IPPK: variants seen among roughly 807,000 people sequenced by gnomAD.
IPPK encodes inositol-pentakisphosphate 2-kinase.
Under a neutral mutation model 64.6 loss-of-function variants are expected in IPPK, and 22 were observed. That is an observed-to-expected ratio of 0.34 (90% CI 0.24 to 0.49). The LOEUF is 0.49. Ranked by LOEUF, IPPK falls within the 20% of genes least tolerant of loss-of-function variation. The pLI is 0.99. For synonymous variants in IPPK, 262 were observed against 247.2 expected (o/e 1.06, Z -0.56); for missense variants, 532 against 630.7 (o/e 0.84, Z 1.68).
chr9:92,646,710 C>A (rs1488281097), intron 6 of IPPK, among the ~76,000 whole-genome samples: 1 of 152,120 alleles, frequency 6.6e-6, no homozygotes, highest in Non-Finnish European at 1.5e-5. Flanking sequence ...GTAATCCCAG[C>A]ACTTTGGGAG....
intron 1 of IPPK, among the ~76,000 whole-genome samples, chr9:92,669,183 G>T (rs1031268029): frequency 6.7e-6 from 1 of 149,642 alleles, no homozygotes; most frequent in Non-Finnish European, 1.5e-5. Flanking sequence ...CCCCTCCCCC[G>T]TTCCAGCCGG....
chr9:92,669,795 A>G, intron 1 of IPPK, 113 bp downstream of exon 1: 1 of 695,182 alleles, frequency 1.4e-6, no homozygotes, highest in Non-Finnish European at 2.4e-6. Flanking sequence ...GGGGAGGAGG[A>G]AGGTACTGGG....
chr9:92,641,654 G>A (rs1852048935), intron 7 of IPPK, among the ~76,000 whole-genome samples: 1 of 152,184 alleles, frequency 6.6e-6, no homozygotes, highest in South Asian at 2.1e-4. Context: ...CAATGTTTGT[G>A]AACTTTTTAA....
At chr9:92,651,418 G>A (rs556891190) in intron 4 of IPPK, among the ~76,000 whole-genome samples, 48 of 152,318 alleles carry the variant, frequency 3.2e-4, no homozygotes, top group Non-Finnish European at 5.1e-4. Flanking sequence ...AGGGAGAGGC[G>A]AAGGGATGGG....
At chr9:92,659,235 A>G (rs1233703712) in intron 1 of IPPK, among the ~76,000 whole-genome samples, 1 of 152,242 alleles carries the variant, frequency 6.6e-6, no homozygotes, top group Non-Finnish European at 1.5e-5. Flanking sequence ...CCCCTTGGGC[A>G]TGCATGAATA....
intron 4 of IPPK, 149 bp downstream of exon 4, chr9:92,652,424 G>A: frequency 2.4e-6 from 1 of 409,776 alleles, no homozygotes. Context: ...ACTCCTGCCT[G>A]GGCGACAGAG....
chr9:92,670,026 C>A lies in IPPK; in HGVS notation c.-38G>T. 1 of 1,508,154 alleles carries A rather than the reference C, an allele frequency of 6.6e-7. No individual in the cohort carries two copies. Among genetic ancestry groups the A allele is most frequent in the East Asian group, 2.6e-5 (1 of 38,490 alleles). The allele number at this position is 1,508,154 out of a possible 1,614,324, so 93.4% of individuals were successfully genotyped here. A position where few individuals can be genotyped will look rare whatever the true frequency, so the allele number is the denominator to read the frequency against. On this transcript the variant is annotated 5_prime_UTR_variant, in exon 1 of 13. Transcript: ENST00000287996. ...CCCTGGCGCCTCGCGGGCTAGGACTCGGGGACGCGAGCTGGGGGCCGCCCG... is the reference window on the plus strand; with the variant it reads ...CCCTGGCGCCTCGCGGGCTAGGACTAGGGGACGCGAGCTGGGGGCCGCCCG...
At chr9:92,658,729 G>A (rs1852423560) in intron 1 of IPPK, 48 bp from the exon 2 acceptor site, 2 of 1,555,888 alleles carry the variant, frequency 1.3e-6, no homozygotes, top group Non-Finnish European at 8.9e-7. Context: ...CAAAGCCAAG[G>A]CACAAGGTGT....
intron 6 of IPPK, among the ~76,000 whole-genome samples, chr9:92,644,038 G>A (rs1242686085): frequency 1.3e-5 from 2 of 152,030 alleles, no homozygotes; most frequent in East Asian, 3.9e-4. Context: ...CATCCCAAGG[G>A]GCATGGCTCA....
chr9:92,652,375 G>C (rs1852283909), intron 4 of IPPK, among the ~76,000 whole-genome samples, 198 bp downstream of exon 4: 1 of 151,392 alleles, frequency 6.6e-6, no homozygotes, highest in African/African-American at 2.4e-5. Flanking sequence ...TGTGAACCCG[G>C]GAGGTGGAGC....
At position 92,649,646 on chromosome 9, in the gene IPPK, GC is replaced by G. The variant is rs1032430580; in HGVS notation, c.293-73del. The G allele has an allele frequency of 1.8e-5, 28 of 1,569,274 alleles. No homozygotes were observed. In the African/African-American group the frequency reaches 2.7e-4, roughly 15 times the overall value. On this transcript the variant is annotated intron_variant, in intron 4 of 12. Transcript: ENST00000287996. ...ATGAGATGATCCCTGCCCAAAACAG[GC>G]CCCGCCTTGTCCCTGGTTCCAGGGG...
chr9:92,637,928 C>T, intron 9 of IPPK, 73 bp downstream of exon 9: 1 of 1,413,600 alleles, frequency 7.1e-7, no homozygotes. Context: ...GACCGCCTGG[C>T]CACCCATGGG....
At chr9:92,669,883 C>T (rs374065863) in intron 1 of IPPK, 25 bp downstream of exon 1, 2 of 1,587,320 alleles carry the variant, frequency 1.3e-6, no homozygotes, top group African/African-American at 1.3e-5. Context: ...AGGTACCGGA[C>T]CTGCGCCGCA....
intron 11 of IPPK, among the ~76,000 whole-genome samples, chr9:92,631,766 T>A (rs957149148): frequency 6.6e-6 from 1 of 152,238 alleles, no homozygotes; most frequent in African/African-American, 2.4e-5. Context: ...GGGTTTTACA[T>A]ATATGCGAGT....
Position 92,615,897 on chromosome 9 carries a change from T to C in IPPK, c.1411A>G (p.Asn471Asp). ...YYSKTVRAKD[N>D]AVMSTRFKES... Reference sequence around the variant, plus strand: ...TTGAACCGAGTCGACATCACGGCGTTGTCTTTGGCACGTACAGTCTTTGAA... The same window carrying C: ...TTGAACCGAGTCGACATCACGGCGTCGTCTTTGGCACGTACAGTCTTTGAA... Residue 471 changes from asparagine (N) to aspartate (D), a missense_variant, in exon 13 of 13, where the codon AAC becomes GAC. Coordinates refer to ENST00000287996, the MANE Select transcript of IPPK (RefSeq NM_022755.6). 2 of 1,614,222 alleles carry C rather than the reference T, an allele frequency of 1.2e-6. No homozygotes were observed. The highest frequency in any genetic ancestry group is 1.7e-6 in the Non-Finnish European group (2 of 1,180,038).
At chr9:92,622,001 TATC>T (rs1448067570) in intron 11 of IPPK, among the ~76,000 whole-genome samples, 1 of 152,196 alleles carries the variant, frequency 6.6e-6, no homozygotes, top group African/African-American at 2.4e-5. Flanking sequence ...CAAACCCAAT[TATC>T]ATCATACAGA....
chr9:92,644,641 T>C (rs1034358867), intron 6 of IPPK, among the ~76,000 whole-genome samples: 1 of 152,184 alleles, frequency 6.6e-6, no homozygotes, highest in African/African-American at 2.4e-5. Context: ...ATGGTTTCCT[T>C]GGAAGGAAAC....
chr9:92,637,526 G>A (rs933723592), intron 9 of IPPK, among the ~76,000 whole-genome samples: 8 of 152,180 alleles, frequency 5.3e-5, no homozygotes, highest in African/African-American at 1.2e-4. Flanking sequence ...CAAGGAAGGC[G>A]TCCCGCAGTC....
At chr9:92,621,485 T>C (rs923767758) in intron 11 of IPPK, among the ~76,000 whole-genome samples, 2 of 149,932 alleles carry the variant, frequency 1.3e-5, no homozygotes, top group Non-Finnish European at 3.0e-5. Flanking sequence ...ACAAAGCATT[T>C]AAGTCAGAAA....
Sources: allele counts gnomAD v4.1 joint callset (sites outside exome capture counted in the v4.1 genomes callset), GRCh38; gene constraint gnomAD v4.1.1; transcripts MANE v1.5; gene names NCBI Gene and HGNC (gene_info 2026-07-23, HGNC 2026-07-21).